Variants in NTM observed in about 807,000 individuals in gnomAD.
The protein encoded by NTM is neurotrimin.
In NTM, 13 loss-of-function variants were observed where a neutral mutation model predicts 42.1. The observed-to-expected ratio is 0.31, with a 90% CI of 0.20 to 0.49. The LOEUF is 0.49. Ranked by LOEUF, NTM falls within the 20% of genes least tolerant of loss-of-function variation. The pLI is 0.99. For synonymous variants in NTM, 187 were observed against 179.2 expected, an observed-to-expected ratio of 1.04 and a Z score of -0.35; for missense variants, 373 against 452.8, an observed-to-expected ratio of 0.82 and a Z score of 1.60.
chr11:131,767,142 C>A, intron 1 of NTM: 1 of 981,670 alleles, frequency 1.0e-6, no homozygotes, highest in Non-Finnish European at 1.2e-6. Flanking sequence ...ACAGTTCAGG[C>A]TCCAGATTCC....
intron 2 of NTM, among the ~76,000 whole-genome samples, chr11:132,005,264 A>G (rs2070501650): frequency 6.6e-6 from 1 of 152,186 alleles, no homozygotes; most frequent in South Asian, 2.1e-4. Flanking sequence ...TTGGGTTTAG[A>G]TGGTGTCAGA....
chr11:132,294,585 A>G (rs888987190), intron 4 of NTM, among the ~76,000 whole-genome samples: 5 of 152,308 alleles, frequency 3.3e-5, no homozygotes, highest in Middle Eastern at 3.4e-3. Flanking sequence ...GAGGAATGGG[A>G]ATTAATGCAA....
chr11:131,433,877 C>T (rs1948892471), intron 1 of NTM, among the ~76,000 whole-genome samples: 1 of 152,200 alleles, frequency 6.6e-6, no homozygotes. Context: ...ATACACGTGC[C>T]ATGTTGGTTT....
intron 1 of NTM, among the ~76,000 whole-genome samples, chr11:131,908,107 G>A (rs898796657): frequency 6.6e-6 from 1 of 152,212 alleles, no homozygotes; most frequent in Non-Finnish European, 1.5e-5. Context: ...GAGCTTGGCT[G>A]GGTTTTCTGC....
intron 1 of NTM, chr11:131,661,176 T>C: frequency 5.9e-6 from 3 of 508,870 alleles, no homozygotes; most frequent in South Asian, 3.9e-5. Context: ...GAGATGATGA[T>C]GGCTTTGTTC....
chr11:131,773,682 A>G (rs1208920293), intron 1 of NTM, among the ~76,000 whole-genome samples: 1 of 152,180 alleles, frequency 6.6e-6, no homozygotes, highest in East Asian at 1.9e-4. Context: ...TTTCTTCCTG[A>G]CTGCTTACAT....
At position 132,055,629 on chromosome 11, in the gene NTM, G is replaced by T. The variant is rs866472960; in HGVS notation, c.168-90653G>T. Among the ~76,000 whole-genome samples, 13 of 150,908 alleles carry T rather than the reference G, an allele frequency of 8.6e-5. No homozygotes were observed. The South Asian group carries it at 2.7e-3, about 32-fold the overall frequency. On this transcript the variant is annotated intron_variant, in intron 2 of 8. Coordinates refer to ENST00000683400, the MANE Select transcript of NTM (RefSeq NM_001352005.2). ...GGTATTTCCAAGCAAAGAGGTGTGT[G>T]TGCGTGTGCATGTGTGTGTGAGAGA...
chr11:132,106,700 T>A (rs1263951605), intron 2 of NTM, among the ~76,000 whole-genome samples: 1 of 152,224 alleles, frequency 6.6e-6, no homozygotes, highest in African/African-American at 2.4e-5. Flanking sequence ...GAACTGAGTT[T>A]ATTTAAAATG....
chr11:131,762,369 A>G (rs926566045), intron 1 of NTM, among the ~76,000 whole-genome samples: 5 of 152,208 alleles, frequency 3.3e-5, no homozygotes, highest in Non-Finnish European at 2.9e-5. Flanking sequence ...GGATCACAGG[A>G]TTAAAGTTGG....
intron 2 of NTM, among the ~76,000 whole-genome samples, chr11:132,038,318 C>T (rs1258327689): frequency 6.6e-6 from 1 of 152,164 alleles, no homozygotes; most frequent in Non-Finnish European, 1.5e-5. Flanking sequence ...GACAGCTGGC[C>T]CCGGCTGTGT....
chr11:132,320,344 C>T (rs185720331), intron 7 of NTM, among the ~76,000 whole-genome samples: 36 of 152,320 alleles, frequency 2.4e-4, no homozygotes, highest in South Asian at 1.0e-3. Context: ...CAAAGCAGGG[C>T]GAGGCATTGC....
intron 2 of NTM, among the ~76,000 whole-genome samples, chr11:131,916,388 C>A (rs114163333): frequency 6.6e-6 from 1 of 152,198 alleles, no homozygotes; most frequent in African/African-American, 2.4e-5. Flanking sequence ...GATCACTTGG[C>A]AGGTGGGTAT....
chr11:131,987,800 A>C (rs919781453), intron 2 of NTM, among the ~76,000 whole-genome samples: 1 of 152,366 alleles, frequency 6.6e-6, no homozygotes, highest in Non-Finnish European at 1.5e-5. Context: ...CTTCATTTGA[A>C]CAGTCAGCCA....
chr11:131,669,898 A>G (rs1158436132), intron 1 of NTM, among the ~76,000 whole-genome samples: 1 of 152,178 alleles, frequency 6.6e-6, no homozygotes, highest in Admixed American at 6.5e-5. Flanking sequence ...CTTGCCCACA[A>G]AGGGGCCGGA....
chr11:132,190,815 C>A (rs974798409), intron 3 of NTM, among the ~76,000 whole-genome samples: 3 of 151,550 alleles, frequency 2.0e-5, no homozygotes, highest in Non-Finnish European at 4.4e-5. Context: ...AAGGTAAAGT[C>A]AGAGACTTCC....
intron 7 of NTM, among the ~76,000 whole-genome samples, chr11:132,316,732 G>A (rs1368109819): frequency 1.3e-5 from 2 of 152,134 alleles, no homozygotes; most frequent in East Asian, 1.9e-4. Flanking sequence ...ATTCTGTGGA[G>A]CTCGCAAACC....
chr11:132,022,675 G>C (rs2074529129), intron 2 of NTM, among the ~76,000 whole-genome samples: 1 of 152,132 alleles, frequency 6.6e-6, no homozygotes, highest in Non-Finnish European at 1.5e-5. Flanking sequence ...TGAATTCCCT[G>C]GTTAAACTCA....
chr11:132,050,284 C>T (rs887133577), intron 2 of NTM, among the ~76,000 whole-genome samples: 29 of 152,180 alleles, frequency 1.9e-4, no homozygotes, highest in African/African-American at 7.0e-4. Flanking sequence ...AATTCACAGC[C>T]AGGGCCCTGA....
rs1238243158 is a variant in NTM at position 131,633,766 on chromosome 11, C to CCTCTCTCTCTCTCT, written c.82+262888_82+262901dup. ...CCCTCTCTCTCCCTCCCTCTCTCTC[C>CCTCTCTCTCTCTCT]CTCTCTCTCTCTCTCTCTCTCTCAC... On this transcript the variant is annotated intron_variant, in intron 1 of 8. Coordinates refer to ENST00000683400, the MANE Select transcript of NTM (RefSeq NM_001352005.2). Among the ~76,000 whole-genome samples, 291 of 39,942 alleles carry CCTCTCTCTCTCTCT rather than the reference C, an allele frequency of 7.3e-3. 4 individuals are homozygous for CCTCTCTCTCTCTCT. Among genetic ancestry groups the CCTCTCTCTCTCTCT allele is most frequent in the African/African-American group, 0.02 (279 of 13,966 alleles). The allele number at this position is 39,942 out of a possible 152,430, so 26.2% of individuals were successfully genotyped here.
Sources: allele counts gnomAD v4.1 joint callset (sites outside exome capture counted in the v4.1 genomes callset), GRCh38; gene constraint gnomAD v4.1.1; transcripts MANE v1.5; gene names NCBI Gene and HGNC (gene_info 2026-07-23, HGNC 2026-07-21).